The following AGFG1 variants were observed in gnomAD, a reference collection of about 807,000 sequenced individuals.
AGFG1 encodes arf-GAP domain and FG repeat-containing protein 1.
A neutral mutation model predicts 60.6 loss-of-function variants in AGFG1; 10 were observed. The ratio of observed to expected loss-of-function variants is 0.16; its 90% confidence interval spans 0.10 to 0.28. The LOEUF is 0.28. Ranked by LOEUF, AGFG1 falls within the 10% of genes least tolerant of loss-of-function variation. The pLI is 1.00. For synonymous variants in AGFG1, 247 were observed against 242.9 expected (o/e 1.02, Z -0.16); for missense variants, 537 against 676.5 (o/e 0.79, Z 2.29).
chr2:227,473,317 G>C (rs1040154650), intron 1 of AGFG1, among the ~76,000 whole-genome samples: 1 of 152,190 alleles, frequency 6.6e-6, no homozygotes, highest in Non-Finnish European at 1.5e-5. Context: ...ATGGTCCGAA[G>C]AGAGTGTTGA....
intron 1 of AGFG1, among the ~76,000 whole-genome samples, chr2:227,479,750 C>T (rs956058944): frequency 6.6e-6 from 1 of 152,074 alleles, no homozygotes; most frequent in East Asian, 1.9e-4. Context: ...TATGTAAAAA[C>T]GTTTTAAAAT....
rs2106254957 is a variant in AGFG1 at position 227,560,638 on chromosome 2, G to A, written c.*6143G>A. 1 of 152,196 alleles carries A rather than the reference G, an allele frequency of 6.6e-6. No homozygotes were observed. The highest frequency in any genetic ancestry group is 2.1e-4 in the South Asian group (1 of 4,824). 9.4% of individuals were successfully genotyped at this position (152,196 alleles called of 1,614,324 possible). On this transcript the variant is annotated 3_prime_UTR_variant, in exon 13 of 13. Transcript: ENST00000310078. ...ATCGTGCCTTTCCTTATCTACATTA[G>A]CTTAGACTATACCTTATTTTTAAGA...
intron 11 of AGFG1, among the ~76,000 whole-genome samples, chr2:227,552,835 CT>C (rs775990227): frequency 4.0e-5 from 6 of 151,380 alleles, no homozygotes; most frequent in Non-Finnish European, 8.8e-5. Flanking sequence ...AACCCCGTCT[CT>C]ACTAAAAATA....
At chr2:227,497,577 T>A (rs951315381) in intron 2 of AGFG1, among the ~76,000 whole-genome samples, 41 of 151,678 alleles carry the variant, frequency 2.7e-4, no homozygotes, top group South Asian at 1.0e-3. Flanking sequence ...CAAAAAAAAA[T>A]TTTTTTTGTT....
At chr2:227,533,980 T>TA (rs1207011291) in intron 7 of AGFG1, among the ~76,000 whole-genome samples, 1 of 152,170 alleles carries the variant, frequency 6.6e-6, no homozygotes, top group Non-Finnish European at 1.5e-5. Flanking sequence ...CTTTCAGTCT[T>TA]ACTAGTTGAG....
chr2:227,484,582 A>T (rs1390166217), intron 1 of AGFG1, among the ~76,000 whole-genome samples: 1 of 151,550 alleles, frequency 6.6e-6, no homozygotes, highest in East Asian at 1.9e-4. Context: ...TTGCCAGTTT[A>T]CAGTTTGCTT....
chr2:227,538,570 G>A (rs986163277), intron 10 of AGFG1, among the ~76,000 whole-genome samples: 7 of 152,196 alleles, frequency 4.6e-5, no homozygotes, highest in African/African-American at 1.7e-4. Context: ...GAGCCTTCAT[G>A]TTGTCCCTCT....
At chr2:227,475,644 A>G (rs910076871) in intron 1 of AGFG1, among the ~76,000 whole-genome samples, 4 of 152,240 alleles carry the variant, frequency 2.6e-5, no homozygotes, top group Admixed American at 2.0e-4. Flanking sequence ...GATTTTGACA[A>G]TGCTACTAGC....
intron 1 of AGFG1, among the ~76,000 whole-genome samples, chr2:227,477,669 G>A (rs186925068): frequency 6.6e-6 from 1 of 151,874 alleles, no homozygotes; most frequent in Non-Finnish European, 1.5e-5. Flanking sequence ...GCAGTGGTGC[G>A]ATCTCACCTC....
intron 2 of AGFG1, among the ~76,000 whole-genome samples, chr2:227,515,353 C>T (rs540746673): frequency 2.4e-4 from 36 of 152,224 alleles, no homozygotes; most frequent in Middle Eastern, 3.4e-3. Context: ...TACTTTAGAC[C>T]TTTTATTGAT....
intron 5 of AGFG1, among the ~76,000 whole-genome samples, chr2:227,526,327 G>T (rs1026678245): frequency 6.6e-6 from 1 of 152,054 alleles, no homozygotes; most frequent in Admixed American, 6.6e-5. Flanking sequence ...CCAGGTAGCT[G>T]GGATTACAAG....
At chr2:227,518,336 A>C (rs899470881) in intron 2 of AGFG1, among the ~76,000 whole-genome samples, 1 of 152,194 alleles carries the variant, frequency 6.6e-6, no homozygotes, top group African/African-American at 2.4e-5. Flanking sequence ...TGGCTACATC[A>C]TATGCTAGGT....
At chr2:227,552,728 G>A (rs1300485248) in intron 11 of AGFG1, among the ~76,000 whole-genome samples, 2 of 150,038 alleles carry the variant, frequency 1.3e-5, no homozygotes, top group Non-Finnish European at 3.0e-5. Flanking sequence ...TGGGCTGGGC[G>A]TGGTGGCTTA....
chr2:227,498,615 A>G (rs1691052305), intron 2 of AGFG1, among the ~76,000 whole-genome samples: 1 of 152,210 alleles, frequency 6.6e-6, no homozygotes, highest in South Asian at 2.1e-4. Flanking sequence ...TATTTAGAGT[A>G]TATTATTTGA....
intron 2 of AGFG1, among the ~76,000 whole-genome samples, chr2:227,514,235 A>G (rs971552451): frequency 4.6e-5 from 7 of 152,140 alleles, no homozygotes; most frequent in African/African-American, 1.7e-4. Flanking sequence ...GTTTTTTGAG[A>G]CAGTCTTGCT....
chr2:227,514,290 C>T (rs1468159470), intron 2 of AGFG1, among the ~76,000 whole-genome samples: 1 of 152,184 alleles, frequency 6.6e-6, no homozygotes, highest in Non-Finnish European at 1.5e-5. Context: ...CAGCTCACTG[C>T]ACCTTCTGCC....
chr2:227,486,819 C>CTGT (rs1436207913), intron 1 of AGFG1, among the ~76,000 whole-genome samples: 1 of 152,024 alleles, frequency 6.6e-6, no homozygotes, highest in Non-Finnish European at 1.5e-5. Context: ...GGGTTTTACC[C>CTGT]TGTGGGGGAT....
chr2:227,500,331 T>C (rs973152759), intron 2 of AGFG1, among the ~76,000 whole-genome samples: 8 of 152,234 alleles, frequency 5.3e-5, no homozygotes, highest in African/African-American at 1.9e-4. Flanking sequence ...GGAGTGTCTG[T>C]GAGCAGTTAT....
At position 227,520,059 on chromosome 2, in the gene AGFG1, A is replaced by G. The variant is rs1202580840; in HGVS notation, c.373A>G (p.Arg125Gly). The G allele has an allele frequency of 6.4e-7, 1 of 1,563,106 alleles. No homozygotes were observed. The part of the protein sequence containing the change: ...EFLQEKYEKK[R>G]WYVPPEQAKV... ...TCTACAAGAAAAGTATGAAAAGAAA[A>G]GATGGTGAGTGAAGAGTTTGTATGT... Residue 125 changes from arginine to glycine, a missense_variant, in exon 3 of 13, where the codon AGA (arginine) becomes GGA (glycine). Arg to Gly is a moderately radical substitution (Grantham distance 125). Coordinates refer to ENST00000310078, the MANE Select transcript of AGFG1 (RefSeq NM_004504.5).
Sources: allele counts gnomAD v4.1 joint callset (sites outside exome capture counted in the v4.1 genomes callset), GRCh38; gene constraint gnomAD v4.1.1; transcripts MANE v1.5; gene names NCBI Gene and HGNC (gene_info 2026-07-23, HGNC 2026-07-21).